Variants in FBN1 observed in about 807,000 individuals in gnomAD.
FBN1 encodes the protein fibrillin 1.
In FBN1, 29 loss-of-function variants were observed where a neutral mutation model predicts 365.1. The observed-to-expected ratio is 0.08, with a 90% CI of 0.06 to 0.11. The LOEUF (loss-of-function observed/expected upper bound fraction) is 0.11, where lower values mean the gene tolerates loss of function less well. FBN1 is among the 10% of genes least tolerant of loss of function. The pLI, the probability that FBN1 is intolerant of heterozygous loss-of-function variation, is 1.00. For synonymous variants in FBN1, 1,210 were observed against 1,270.5 expected (o/e 0.95, Z 1.01); for missense variants, 2,476 against 3,703.2 (o/e 0.67, Z 8.60).
chr15:48,490,971 A>G (rs1373636632), intron 24 of FBN1, among the ~76,000 whole-genome samples: 1 of 152,242 alleles, frequency 6.6e-6, no homozygotes, highest in Non-Finnish European at 1.5e-5. Flanking sequence ...CATTAACAAT[A>G]TATCTAACTC....
intron 6 of FBN1, among the ~76,000 whole-genome samples, chr15:48,570,748 C>A (rs1002319885): frequency 1.2e-4 from 19 of 152,172 alleles, no homozygotes; most frequent in African/African-American, 4.6e-4. Flanking sequence ...ATTTATTCTG[C>A]AGTCATGGAG....
intron 35 of FBN1, 125 bp downstream of exon 35, chr15:48,472,426 G>C (rs1250915378): frequency 4.5e-6 from 6 of 1,322,896 alleles, no homozygotes; most frequent in Non-Finnish European, 5.3e-6. Context: ...GAACTGACCA[G>C]CTTAGAAATG....
Position 48,634,571 on chromosome 15 carries a change from C to T in FBN1, c.164+10035G>A, listed in dbSNP as rs995284735. 5.3e-5 allele frequency among the ~76,000 whole-genome samples: 8 copies of T among 152,094 alleles called. No homozygotes were observed. The South Asian group carries it at 1.0e-3, about 20-fold the overall frequency. On this transcript the variant is annotated intron_variant, in intron 2 of 65. Coordinates refer to ENST00000316623, the MANE Select transcript of FBN1 (RefSeq NM_000138.5). ...CTTCCCTCAGGCTTTCTCCTTCCTTCCCCTAACAAAAACCTTAACCCTGTT... is the reference window on the plus strand; with the variant it reads ...CTTCCCTCAGGCTTTCTCCTTCCTTTCCCTAACAAAAACCTTAACCCTGTT...
chr15:48,437,559 T>TCTA, intron 51 of FBN1, 172 bp from the exon 52 acceptor site: 1 of 800,082 alleles, frequency 1.2e-6, no homozygotes, highest in Non-Finnish European at 2.1e-6. Context: ...AGATGTTGTG[T>TCTA]CTACTCCTTG....
intron 48 of FBN1, 78 bp downstream of exon 48, chr15:48,445,298 A>C (rs1439246104): frequency 7.3e-6 from 11 of 1,516,438 alleles, no homozygotes; most frequent in Non-Finnish European, 1.0e-5. Flanking sequence ...AGAAAGAAGC[A>C]TTAGAACAGA....
chr15:48,510,192 A>C, intron 13 of FBN1, 23 bp from the exon 14 acceptor site: 1 of 1,611,480 alleles, frequency 6.2e-7, no homozygotes, highest in Non-Finnish European at 8.5e-7. Context: ...TTTAAAAAGA[A>C]GAAATAGCTT....
chr15:48,545,972 C>G (rs1054931255), intron 6 of FBN1, among the ~76,000 whole-genome samples: 1 of 152,084 alleles, frequency 6.6e-6, no homozygotes, highest in African/African-American at 2.4e-5. Flanking sequence ...CACACCACTG[C>G]TCTCAAGCCT....
At position 48,441,870 on chromosome 15, in the gene FBN1, C is replaced by A. The variant is rs200064917; in HGVS notation, c.6038-24G>T. The A allele has an allele frequency of 2.5e-6, 4 of 1,612,224 alleles. No homozygotes were observed. In the South Asian group the frequency reaches 4.4e-5, roughly 18 times the overall value. ...ATCTAAAAGAATCACATGAGTCAAA[C>A]AAAGTCAAAACACGATGGAGACATC... On this transcript the variant is annotated intron_variant, in intron 49 of 65. Transcript: ENST00000316623.
At chr15:48,562,114 C>CCTGGA (rs1252520735) in intron 6 of FBN1, among the ~76,000 whole-genome samples, 1 of 152,094 alleles carries the variant, frequency 6.6e-6, no homozygotes, top group Non-Finnish European at 1.5e-5. Flanking sequence ...TGGAATCAAG[C>CCTGGA]CTGGACTCCC....
intron 42 of FBN1, among the ~76,000 whole-genome samples, chr15:48,460,551 C>A: frequency 6.6e-6 from 1 of 151,940 alleles, no homozygotes; most frequent in South Asian, 2.1e-4. Flanking sequence ...AGTAGAGATC[C>A]CCAGATCACA....
At chr15:48,579,031 GAAAA>G in intron 6 of FBN1, among the ~76,000 whole-genome samples, 1 of 131,068 alleles carries the variant, frequency 7.6e-6, no homozygotes, top group African/African-American at 2.7e-5. Context: ...TAAAAAAGGG[GAAAA>G]AAAAAAAAAA....
chr15:48,495,329 A>G, intron 21 of FBN1, 69 bp from the exon 22 acceptor site: 1 of 1,598,266 alleles, frequency 6.3e-7, no homozygotes, highest in Non-Finnish European at 8.6e-7. Context: ...GGAATTATAG[A>G]CAAAAATAGC....
intron 6 of FBN1, among the ~76,000 whole-genome samples, chr15:48,559,383 C>T (rs1034545123): frequency 2.0e-5 from 3 of 152,236 alleles, no homozygotes; most frequent in African/African-American, 7.2e-5. Context: ...GGAAGTCTGG[C>T]GGGTGGAGGC....
rs566576490 is a variant in FBN1 at position 48,416,292 on chromosome 15, G to A, written c.7820-525C>T. Among the ~76,000 whole-genome samples, 14 of 152,296 alleles carry A rather than the reference G, an allele frequency of 9.2e-5. No homozygotes were observed. In the East Asian group the frequency reaches 2.3e-3, roughly 25 times the overall value. ...CTGTCAGCCTATTTCAGGATATGCT[G>A]ATCTGGCAAAGGCTGATATCCTGCC... On this transcript the variant is annotated intron_variant, in intron 63 of 65. Transcript: ENST00000316623.
intron 4 of FBN1, among the ~76,000 whole-genome samples, chr15:48,601,199 A>G (rs16961227): frequency 0.013 from 1,919 of 152,322 alleles, 41 homozygotes; most frequent in African/African-American, 0.044. Flanking sequence ...CACTCAGAGA[A>G]GCTGGAGTAA....
rs779490973 is a variant in FBN1, at chr15:48,596,354, T to C, written c.467A>G (p.Asn156Ser). Reference protein sequence around the residue: ...GQPVCESGCLNGGRCVAPNRC... With the variant: ...GQPVCESGCLSGGRCVAPNRC... Reference sequence around the variant, plus strand: ...ATTTGGGGCCACACACCTTCCTCCATTGAGACAGCCACTTTCACAAACAGC... The same window carrying C: ...ATTTGGGGCCACACACCTTCCTCCACTGAGACAGCCACTTTCACAAACAGC... The change falls in exon 6 of 66, where the codon AAT (asparagine) becomes AGT (serine). Residue 156 changes from asparagine to serine, a missense_variant. Asn to Ser is a conservative substitution (Grantham distance 46, BLOSUM62 1). This residue lies in a region of FBN1 where 421 missense variants were observed against 520.1 expected (regional missense o/e 0.81). Coordinates refer to ENST00000316623, the MANE Select transcript of FBN1 (RefSeq NM_000138.5). 9.3e-6 allele frequency: 15 copies of C among 1,613,914 alleles called. No individual in the cohort carries two copies. Among genetic ancestry groups the C allele is most frequent in the African/African-American group, 1.3e-5 (1 of 74,920 alleles).
At chr15:48,420,335 C>T (rs375221162) in intron 63 of FBN1, among the ~76,000 whole-genome samples, 24 of 152,264 alleles carry the variant, frequency 1.6e-4, no homozygotes, top group African/African-American at 5.8e-4. Flanking sequence ...TAGCCTTTGG[C>T]TGGCTGATAT....
chr15:48,466,716 T>G (rs918225362), intron 38 of FBN1, among the ~76,000 whole-genome samples: 10 of 152,182 alleles, frequency 6.6e-5, no homozygotes, highest in Non-Finnish European at 1.3e-4. Context: ...ATATCTATTG[T>G]TTTGCTACTG....
chr15:48,502,920 G>C (rs1009038091), intron 17 of FBN1, among the ~76,000 whole-genome samples: 1 of 152,126 alleles, frequency 6.6e-6, no homozygotes, highest in Non-Finnish European at 1.5e-5. Context: ...ATTCTGACTC[G>C]CTATCCAGTT....
Sources: gnomAD v4.1 joint callset for allele counts (sites outside exome capture counted in the v4.1 genomes callset) on GRCh38, gnomAD v4.1.1 for gene constraint, gnomAD v4.1.1 regional missense constraint, MANE v1.5 for transcripts, NCBI Gene and HGNC (gene_info 2026-07-23, HGNC 2026-07-21) for gene names.